SPPL2A: variants seen among roughly 807,000 people sequenced by gnomAD.
SPPL2A encodes signal peptide peptidase-like 2A.
A neutral mutation model predicts 63.8 loss-of-function variants in SPPL2A; 51 were observed. The observed-to-expected ratio is 0.80, with a 90% CI of 0.64 to 1.01. The LOEUF is 1.01. Among genes scored for constraint, SPPL2A ranks in the 50% least tolerant of loss-of-function variants. SPPL2A has a pLI of 0.00. For missense variants in SPPL2A, 553 were observed against 622.7 expected, an observed-to-expected ratio of 0.89 and a Z score of 1.19; for synonymous variants, 188 against 205.8, an observed-to-expected ratio of 0.91 and a Z score of 0.74.
At chr15:50,709,596 C>T (rs1373544267) in intron 14 of SPPL2A, among the ~76,000 whole-genome samples, 2 of 152,020 alleles carry the variant, frequency 1.3e-5, no homozygotes, top group Non-Finnish European at 2.9e-5. Flanking sequence ...TCGGGACCAG[C>T]CTGGCCAACA....
chr15:50,714,434 C>T (rs894813987), intron 14 of SPPL2A, among the ~76,000 whole-genome samples: 5 of 150,132 alleles, frequency 3.3e-5, no homozygotes, highest in African/African-American at 1.2e-4. Flanking sequence ...GAGTTTGAGA[C>T]TAGCCTGACC....
chr15:50,709,573 C>T (rs908273071), intron 14 of SPPL2A, among the ~76,000 whole-genome samples: 2 of 151,958 alleles, frequency 1.3e-5, no homozygotes, highest in East Asian at 1.9e-4. Context: ...AGGTGGATCA[C>T]GAGGTCAGGA....
intron 12 of SPPL2A, among the ~76,000 whole-genome samples, chr15:50,724,166 C>A (rs1447213843): frequency 6.6e-6 from 1 of 152,166 alleles, no homozygotes; most frequent in South Asian, 2.1e-4. Context: ...TGCAAGGCAA[C>A]GCTGCTAGCT....
At chr15:50,760,925 G>C (rs958543968) in intron 1 of SPPL2A, among the ~76,000 whole-genome samples, 1 of 152,044 alleles carries the variant, frequency 6.6e-6, no homozygotes, top group African/African-American at 2.4e-5. Context: ...TCATTTCATT[G>C]TATCAAGCTC....
intron 1 of SPPL2A, among the ~76,000 whole-genome samples, chr15:50,752,185 G>A (rs766138646): frequency 2.3e-4 from 35 of 151,990 alleles, no homozygotes; most frequent in Non-Finnish European, 4.1e-4. Flanking sequence ...TTTAGTATCA[G>A]TAGAGATGCA....
At chr15:50,740,447 A>AAAAAAAAAAAAG (rs1567161294) in intron 5 of SPPL2A, among the ~76,000 whole-genome samples, 11 of 128,296 alleles carry the variant, frequency 8.6e-5, no homozygotes, top group East Asian at 2.7e-4. Context: ...AAAAAAAAAG[A>AAAAAAAAAAAAG]AAAAAAAAAG....
chr15:50,744,965 T>C (rs2062847546), intron 5 of SPPL2A, among the ~76,000 whole-genome samples: 1 of 152,192 alleles, frequency 6.6e-6, no homozygotes, highest in African/African-American at 2.4e-5. Flanking sequence ...ATAAAACTTA[T>C]AAAGTATATA....
At chr15:50,760,581 A>G (rs1360610325) in intron 1 of SPPL2A, among the ~76,000 whole-genome samples, 3 of 152,084 alleles carry the variant, frequency 2.0e-5, no homozygotes, top group Non-Finnish European at 4.4e-5. Flanking sequence ...TTAAAATGGC[A>G]CTAATCCTAT....
chr15:50,747,974 C>G (rs568643042), intron 4 of SPPL2A, 139 bp downstream of exon 4: 4 of 463,954 alleles, frequency 8.6e-6, no homozygotes, highest in Non-Finnish European at 1.5e-5. Context: ...TGAGTACTTT[C>G]CAAACAAAAA....
intron 6 of SPPL2A, among the ~76,000 whole-genome samples, chr15:50,737,612 C>T (rs192688127): frequency 6.6e-5 from 10 of 152,082 alleles, no homozygotes; most frequent in African/African-American, 2.4e-4. Context: ...ACCACCATGC[C>T]CAGCTAATTT....
chr15:50,722,103 C>T, intron 13 of SPPL2A, 21 bp downstream of exon 13: 1 of 1,326,028 alleles, frequency 7.5e-7, no homozygotes, highest in South Asian at 1.2e-5. Flanking sequence ...ACATTTAATA[C>T]AAAGAAAAAC....
At chr15:50,710,187 G>A (rs991004096) in intron 14 of SPPL2A, among the ~76,000 whole-genome samples, 3 of 152,206 alleles carry the variant, frequency 2.0e-5, no homozygotes, top group South Asian at 4.2e-4. Flanking sequence ...TCTTCCCCAC[G>A]ATCTGCTTAC....
At chr15:50,750,454 C>CTAGG (rs1342152182) in intron 1 of SPPL2A, among the ~76,000 whole-genome samples, 3 of 152,196 alleles carry the variant, frequency 2.0e-5, no homozygotes, top group South Asian at 2.1e-4. Context: ...CTACTAGGAA[C>CTAGG]TAGGGTACAA....
At chr15:50,764,040 G>C (rs1290384828) in intron 1 of SPPL2A, among the ~76,000 whole-genome samples, 1 of 152,204 alleles carries the variant, frequency 6.6e-6, no homozygotes, top group Non-Finnish European at 1.5e-5. Context: ...AGAGTTTTCT[G>C]GTGAGAGGGC....
At chr15:50,711,206 C>CTTTTT (rs1302695528) in intron 14 of SPPL2A, among the ~76,000 whole-genome samples, 1 of 115,606 alleles carries the variant, frequency 8.7e-6, no homozygotes, top group Non-Finnish European at 1.6e-5. Context: ...AATTAGTATC[C>CTTTTT]TTTTTTTTTT....
intron 1 of SPPL2A, among the ~76,000 whole-genome samples, chr15:50,757,404 T>A (rs888646659): frequency 6.6e-6 from 1 of 152,050 alleles, no homozygotes; most frequent in Non-Finnish European, 1.5e-5. Flanking sequence ...CTTATACTCT[T>A]CTAAATACTC....
intron 14 of SPPL2A, among the ~76,000 whole-genome samples, chr15:50,713,809 AG>A (rs1033459653): frequency 5.3e-5 from 8 of 152,182 alleles, no homozygotes; most frequent in African/African-American, 2.4e-5. Context: ...CAATGAGTCG[AG>A]AAATAACCAA....
rs2062501660 is a variant in SPPL2A at position 50,705,548 on chromosome 15, C to G, written c.*2252G>C. ...TTTAAAACGGCACTTAATCTGTTCT[C>G]TCTCTCAGAGTCTGCCAAATAAATC... is the stretch of plus-strand genomic sequence containing the variant. On this transcript the variant is annotated 3_prime_UTR_variant, in exon 15 of 15. Coordinates refer to ENST00000261854, the MANE Select transcript of SPPL2A (RefSeq NM_032802.4). The G allele has an allele frequency of 6.6e-6, 1 of 152,106 alleles. No homozygotes were observed. The allele number at this position is 152,106 out of a possible 1,614,324, so 9.4% of individuals were successfully genotyped here.
chr15:50,743,019 C>T (rs1362981424), intron 5 of SPPL2A: 1 of 152,462 alleles, frequency 6.6e-6, no homozygotes, highest in African/African-American at 2.4e-5. Context: ...CACCTGTAAT[C>T]CCAGCACTTT....
Sources: gnomAD v4.1 joint callset for allele counts (sites outside exome capture counted in the v4.1 genomes callset) on GRCh38, gnomAD v4.1.1 for gene constraint, MANE v1.5 for transcripts, NCBI Gene and HGNC (gene_info 2026-07-23, HGNC 2026-07-21) for gene names.